Variants in NAALADL2 observed in about 807,000 individuals in gnomAD.
NAALADL2 encodes the protein inactive N-acetylated-alpha-linked acidic dipeptidase-like protein 2.
NAALADL2 carries 76 observed loss-of-function variants against 87.2 expected under a neutral mutation model. That is an observed-to-expected ratio of 0.87 (90% CI 0.72 to 1.05). The LOEUF is 1.05. Among genes scored for constraint, NAALADL2 ranks in the 50% least tolerant of loss-of-function variants. The pLI is 0.00. For synonymous variants in NAALADL2, 354 were observed against 331.0 expected, an observed-to-expected ratio of 1.07 and a Z score of -0.75; for missense variants, 1,089 against 945.8, an observed-to-expected ratio of 1.15 and a Z score of -1.99.
At chr3:175,046,896 G>A (rs1754748595) in intron 1 of NAALADL2, among the ~76,000 whole-genome samples, 1 of 152,144 alleles carries the variant, frequency 6.6e-6, no homozygotes, top group African/African-American at 2.4e-5. Flanking sequence ...CATAGAGTGA[G>A]TATCACATAA....
At chr3:175,301,522 T>C (rs1757086694) in intron 4 of NAALADL2, among the ~76,000 whole-genome samples, 1 of 152,220 alleles carries the variant, frequency 6.6e-6, no homozygotes, top group African/African-American at 2.4e-5. Context: ...GTATTATACA[T>C]TTCTGATTCA....
chr3:174,589,801 C>G (rs961085088), intron 2 of NAALADL2, among the ~76,000 whole-genome samples: 11 of 150,974 alleles, frequency 7.3e-5, no homozygotes, highest in Admixed American at 4.0e-4. Flanking sequence ...ATTAAATACT[C>G]AAGCCCATGA....
At chr3:174,821,228 T>C (rs1560257327) in intron 3 of NAALADL2, among the ~76,000 whole-genome samples, 1 of 152,184 alleles carries the variant, frequency 6.6e-6, no homozygotes, top group Non-Finnish European at 1.5e-5. Context: ...GAATTTTAGG[T>C]ATTAAGCCTA....
intron 2 of NAALADL2, among the ~76,000 whole-genome samples, chr3:175,191,148 GCTAA>G (rs1418758622): frequency 6.6e-6 from 1 of 151,962 alleles, no homozygotes; most frequent in Non-Finnish European, 1.5e-5. Context: ...AGGAGGGAGG[GCTAA>G]CTATGTGAGA....
chr3:175,342,384 A>G (rs1427163257), intron 5 of NAALADL2, among the ~76,000 whole-genome samples: 3 of 152,066 alleles, frequency 2.0e-5, no homozygotes, highest in African/African-American at 7.2e-5. Context: ...TCAGACCACA[A>G]AGCATCTGAT....
chr3:174,745,899 T>C (rs1560190184), intron 3 of NAALADL2, among the ~76,000 whole-genome samples: 4 of 152,116 alleles, frequency 2.6e-5, no homozygotes, highest in Admixed American at 2.0e-4. Context: ...TTAAAAACTC[T>C]CAATAAACTA....
intron 2 of NAALADL2, among the ~76,000 whole-genome samples, chr3:175,132,602 GCA>G (rs1728270752): frequency 2.8e-5 from 3 of 105,528 alleles, no homozygotes; most frequent in Admixed American, 9.2e-5. Flanking sequence ...GGCTGGCCGG[GCA>G]GGGGGCTGAC....
At chr3:174,945,844 A>AT (rs1433822743) in intron 1 of NAALADL2, among the ~76,000 whole-genome samples, 3 of 151,968 alleles carry the variant, frequency 2.0e-5, no homozygotes, top group African/African-American at 7.2e-5. Flanking sequence ...TCAGGAGATC[A>AT]AGACCATCCT....
intron 1 of NAALADL2, among the ~76,000 whole-genome samples, chr3:174,996,157 TTAATC>T (rs1434796586): frequency 2.5e-4 from 38 of 152,318 alleles, no homozygotes; most frequent in African/African-American, 8.9e-4. Context: ...AAATCTTTCT[TTAATC>T]TACTAGTTCT....
intron 5 of NAALADL2, among the ~76,000 whole-genome samples, chr3:175,374,845 G>T (rs1442450209): frequency 6.6e-6 from 1 of 151,444 alleles, no homozygotes; most frequent in African/African-American, 2.4e-5. Context: ...CTGCACTCCA[G>T]CCTGGGTGAC....
chr3:174,514,264 T>C (rs1719784859), intron 1 of NAALADL2, among the ~76,000 whole-genome samples: 1 of 152,176 alleles, frequency 6.6e-6, no homozygotes, highest in Non-Finnish European at 1.5e-5. Flanking sequence ...GTATTGTTCC[T>C]AGCTTTAACG....
intron 12 of NAALADL2, among the ~76,000 whole-genome samples, chr3:175,742,084 T>C (rs74201644): frequency 0.021 from 3,214 of 152,312 alleles, 54 homozygotes; most frequent in Admixed American, 0.062. Context: ...TTATGCCTTA[T>C]CTGGTTTAGT....
intron 2 of NAALADL2, among the ~76,000 whole-genome samples, chr3:175,162,879 T>A (rs1207825888): frequency 6.6e-6 from 1 of 152,148 alleles, no homozygotes; most frequent in African/African-American, 2.4e-5. Context: ...TGTTTTAAGT[T>A]TTAGAACATT....
chr3:175,457,891 T>C (rs1252691973), intron 6 of NAALADL2, among the ~76,000 whole-genome samples: 8 of 151,998 alleles, frequency 5.3e-5, no homozygotes. Flanking sequence ...CATTTCTTGG[T>C]ATGATTTTTT....
chr3:175,084,171 C>T (rs900591460), intron 1 of NAALADL2, among the ~76,000 whole-genome samples: 3 of 152,132 alleles, frequency 2.0e-5, no homozygotes, highest in African/African-American at 7.2e-5. Context: ...GAGTGGTGGT[C>T]TGGTTATTTA....
At chr3:175,768,850 T>TGA (rs1749100039) in intron 13 of NAALADL2, among the ~76,000 whole-genome samples, 1 of 88,668 alleles carries the variant, frequency 1.1e-5, no homozygotes, top group Non-Finnish European at 2.1e-5. Context: ...AGACTTTGTC[T>TGA]CAAAAAAAAA....
intron 9 of NAALADL2, among the ~76,000 whole-genome samples, chr3:175,527,034 G>A (rs1433683787): frequency 6.6e-6 from 1 of 152,064 alleles, no homozygotes; most frequent in Admixed American, 6.6e-5. Context: ...TTGCCAGTAA[G>A]AGCTTTAAAA....
intron 9 of NAALADL2, among the ~76,000 whole-genome samples, chr3:175,533,975 A>G (rs1408443764): frequency 6.6e-6 from 1 of 152,050 alleles, no homozygotes; most frequent in Non-Finnish European, 1.5e-5. Context: ...GTATAGAGTC[A>G]GTAAACTCCT....
At chr3:175,470,093 A>G (rs1010520097) in intron 8 of NAALADL2, among the ~76,000 whole-genome samples, 3 of 152,126 alleles carry the variant, frequency 2.0e-5, no homozygotes, top group Admixed American at 6.5e-5. Context: ...TTTAGTTAGC[A>G]TAGTGTTCTC....
Sources: gnomAD v4.1 joint callset for allele counts (sites outside exome capture counted in the v4.1 genomes callset) on GRCh38, gnomAD v4.1.1 for gene constraint, MANE v1.5 for transcripts, NCBI Gene and HGNC (gene_info 2026-07-23, HGNC 2026-07-21) for gene names.